The following UBAC2 variants were observed in gnomAD, a reference collection of about 807,000 sequenced individuals.
UBAC2 encodes UBA domain containing 2.
UBAC2 carries 26 observed loss-of-function variants against 44.0 expected under a neutral mutation model. The observed-to-expected ratio is 0.59, with a 90% CI of 0.43 to 0.82. The LOEUF (loss-of-function observed/expected upper bound fraction) is 0.82. Among genes scored for constraint, UBAC2 ranks in the 40% least tolerant of loss-of-function variants. The pLI is 0.00. For missense variants in UBAC2, 329 were observed against 419.4 expected (o/e 0.78, Z 1.88); for synonymous variants, 155 against 154.3 (o/e 1.00, Z -0.04).
Position 99,347,326 on chromosome 13 carries a change from C to A in UBAC2, c.807+6761C>A, listed in dbSNP as rs1036158844. ...ACGTTACTATCCCCGGGCGCCCCCC[C>A]CCCCCCCCAGGAAAAAAAAGGCAAG... On this transcript the variant is annotated intron_variant, in intron 7 of 8. Transcript: ENST00000403766. Among the ~76,000 whole-genome samples the A allele has an allele frequency of 2.5e-5, 2 of 79,722 alleles. 1 individual carries two copies. Among genetic ancestry groups the A allele is most frequent in the Non-Finnish European group, 7.6e-5 (2 of 26,252 alleles). The allele number at this position is 79,722 out of a possible 152,430, so 52.3% of individuals were successfully genotyped here.
At chr13:99,322,372 A>G (rs2044579695) in intron 6 of UBAC2, among the ~76,000 whole-genome samples, 1 of 152,230 alleles carries the variant, frequency 6.6e-6, no homozygotes, top group Admixed American at 6.5e-5. Flanking sequence ...TTTATGAATC[A>G]TAGTACTGAG....
At chr13:99,371,345 T>C (rs1243529871) in intron 8 of UBAC2, among the ~76,000 whole-genome samples, 4 of 152,204 alleles carry the variant, frequency 2.6e-5, no homozygotes, top group African/African-American at 9.6e-5. Flanking sequence ...CTAAATCTTG[T>C]TTTTGGTGTT....
intron 7 of UBAC2, among the ~76,000 whole-genome samples, chr13:99,347,121 GA>G (rs60467106): frequency 0.38 from 56,906 of 149,382 alleles, 11,972 homozygotes; most frequent in Non-Finnish European, 0.48. Context: ...TCTATTTAAA[GA>G]AAAAAAAAGA....
intron 4 of UBAC2, among the ~76,000 whole-genome samples, chr13:99,252,543 G>T (rs1037310433): frequency 2.0e-5 from 3 of 152,156 alleles, no homozygotes; most frequent in South Asian, 2.1e-4. Flanking sequence ...GTAACCATTA[G>T]GTTTTGAAAG....
chr13:99,200,982 AC>A (rs969886950), intron 1 of UBAC2, 43 bp downstream of exon 1: 5 of 1,295,372 alleles, frequency 3.9e-6, no homozygotes, highest in African/African-American at 1.5e-5. Context: ...CCTACACGCC[AC>A]CCTAGGCACC....
chr13:99,265,319 T>C (rs2043728298), intron 4 of UBAC2, among the ~76,000 whole-genome samples: 1 of 152,216 alleles, frequency 6.6e-6, no homozygotes, highest in African/African-American at 2.4e-5. Flanking sequence ...AAGAGAGTCT[T>C]AACTGAGAAG....
At chr13:99,321,943 A>C (rs1286153269) in intron 6 of UBAC2, among the ~76,000 whole-genome samples, 1 of 152,244 alleles carries the variant, frequency 6.6e-6, no homozygotes, top group Non-Finnish European at 1.5e-5. Context: ...CTTGTACTTA[A>C]AGATGACTGT....
At chr13:99,236,134 G>A (rs755308407) in intron 1 of UBAC2, among the ~76,000 whole-genome samples, 30 of 152,312 alleles carry the variant, frequency 2.0e-4, no homozygotes, top group East Asian at 9.6e-4. Flanking sequence ...GCTCCAGGAC[G>A]TTGGTCTGGG....
intron 6 of UBAC2, among the ~76,000 whole-genome samples, chr13:99,323,492 G>T (rs2044597033): frequency 2.0e-5 from 3 of 152,282 alleles, no homozygotes; most frequent in South Asian, 4.1e-4. Context: ...AGCCATGAGG[G>T]TGATGGGACT....
chr13:99,326,122 C>T (rs2044638013), intron 6 of UBAC2, among the ~76,000 whole-genome samples: 2 of 152,160 alleles, frequency 1.3e-5, no homozygotes, highest in African/African-American at 4.8e-5. Context: ...TACTGTTTTC[C>T]ATAGTTGCAT....
intron 6 of UBAC2, among the ~76,000 whole-genome samples, chr13:99,319,661 A>G (rs953666640): frequency 6.6e-5 from 10 of 152,220 alleles, no homozygotes; most frequent in African/African-American, 2.4e-4. Context: ...ATTTGGCTTC[A>G]GGACCACAGA....
intron 2 of UBAC2, among the ~76,000 whole-genome samples, chr13:99,241,991 C>T (rs1175205782): frequency 5.3e-5 from 8 of 150,318 alleles, no homozygotes; most frequent in Admixed American, 6.6e-5. Context: ...CATCTTGCAC[C>T]GCCCTTAATC....
chr13:99,374,621 A>T (rs1298732167), intron 8 of UBAC2, among the ~76,000 whole-genome samples: 1 of 152,180 alleles, frequency 6.6e-6, no homozygotes, highest in Non-Finnish European at 1.5e-5. Context: ...TCATCTCAGG[A>T]ATCCTTACCA....
intron 1 of UBAC2, among the ~76,000 whole-genome samples, chr13:99,223,765 T>G (rs1415860738): frequency 1.3e-5 from 2 of 152,258 alleles, no homozygotes; most frequent in East Asian, 1.9e-4. Context: ...TGTTTAGAAA[T>G]GTGTTGTTGA....
chr13:99,214,811 G>A (rs369747931), intron 1 of UBAC2, among the ~76,000 whole-genome samples: 11 of 134,992 alleles, frequency 8.1e-5, no homozygotes, highest in East Asian at 6.4e-4. Flanking sequence ...TGGGATGGTG[G>A]TGAAAAGGCT....
chr13:99,264,639 A>G (rs2043717058), intron 4 of UBAC2, among the ~76,000 whole-genome samples: 2 of 152,102 alleles, frequency 1.3e-5, no homozygotes, highest in South Asian at 4.1e-4. Context: ...CACTCTCCCC[A>G]GGGGCAGTTG....
chr13:99,379,329 A>G lies in UBAC2; in HGVS notation c.928-5899A>G, dbSNP rs181445961. Among the ~76,000 whole-genome samples the G allele has an allele frequency of 3.4e-3, 512 of 152,380 alleles. 3 individuals are homozygous for G. Among genetic ancestry groups the G allele is most frequent in the African/African-American group, 0.012 (490 of 41,602 alleles). On this transcript the variant is annotated intron_variant, in intron 8 of 8. Coordinates refer to ENST00000403766, the MANE Select transcript of UBAC2 (RefSeq NM_001144072.2). ...AATAAAACCAAAACAGTGATGTTCC[A>G]TCAGCATTATAGACTTGTTCTGGCA...
At chr13:99,338,730 TACC>T (rs2044838995) in intron 6 of UBAC2, among the ~76,000 whole-genome samples, 1 of 152,212 alleles carries the variant, frequency 6.6e-6, no homozygotes, top group African/African-American at 2.4e-5. Flanking sequence ...CTGTCTTTGG[TACC>T]AAAACTGTTC....
At chr13:99,201,077 G>C (rs912014649) in intron 1 of UBAC2, 138 bp downstream of exon 1, 1 of 1,340,720 alleles carries the variant, frequency 7.5e-7, no homozygotes, top group Non-Finnish European at 9.6e-7. Context: ...TCCGAACCCT[G>C]CTAGTTCCCG....
Sources: allele counts gnomAD v4.1 joint callset (sites outside exome capture counted in the v4.1 genomes callset), GRCh38; gene constraint gnomAD v4.1.1; transcripts MANE v1.5; gene names NCBI Gene and HGNC (gene_info 2026-07-23, HGNC 2026-07-21).